RTL8C: variants seen among roughly 807,000 people sequenced by gnomAD.
RTL8C encodes retrotransposon Gag like 8C, also known as retrotransposon Gag-like protein 8C.
RTL8C carries 1 observed loss-of-function variant against 5.0 expected under a neutral mutation model. The ratio of observed to expected loss-of-function variants is 0.20; its 90% CI spans 0.07 to 0.95. The LOEUF is 0.95. Ranked by LOEUF, RTL8C falls within the 40% of genes least tolerant of loss-of-function variation. RTL8C has a pLI of 0.63. For synonymous variants in RTL8C, 37 were observed against 44.5 expected, an observed-to-expected ratio of 0.83 and a Z score of 0.67; for missense variants, 39 against 99.3, an observed-to-expected ratio of 0.39 and a Z score of 2.58.
chrX:135,033,030 T>A lies in RTL8C; in HGVS notation c.*305T>A. ...CCTGCGCTCCAGCTGCAAGCTGGGC[T>A]CCTGTTACACACTGGACAGACCACC... On this transcript the variant is annotated 3_prime_UTR_variant, in exon 1 of 1. Transcript: ENST00000257013. 1 of 986,575 alleles carries A rather than the reference T, an allele frequency of 1.0e-6. No homozygotes were observed. Among genetic ancestry groups the A allele is most frequent in the Non-Finnish European group, 1.3e-6 (1 of 742,220 alleles). 81.3% of individuals were successfully genotyped at this position (986,575 alleles called of 1,213,427 possible). A position where few individuals can be genotyped will look rare whatever the true frequency, so the allele number is the denominator to read the frequency against.
chrX:135,032,986 A>T lies in RTL8C; in HGVS notation c.*261A>T. ...TCCTTCCAGCCAGCCAGCCCCTCCC[A>T]TGTACATTTGGACGCTGTCCTGCGC... On this transcript the variant is annotated 3_prime_UTR_variant, in exon 1 of 1. Coordinates refer to ENST00000257013, the MANE Select transcript of RTL8C (RefSeq NM_001078171.2). 1 of 1,064,091 alleles carries T rather than the reference A, an allele frequency of 9.4e-7. No individual in the cohort carries two copies. The highest frequency in any genetic ancestry group is 1.9e-5 in the African/African-American group (1 of 53,360). 87.7% of individuals were successfully genotyped at this position (1,064,091 alleles called of 1,213,427 possible).
Position 135,032,851 on chromosome X carries a change from C to CCCCTGCGCTCCTGTT in RTL8C, c.*131_*145dup. 1 of 1,124,995 alleles carries CCCCTGCGCTCCTGTT rather than the reference C, an allele frequency of 8.9e-7. No homozygotes were observed. The highest frequency in any genetic ancestry group is 1.2e-6 in the Non-Finnish European group (1 of 855,156). 92.7% of individuals were successfully genotyped at this position (1,124,995 alleles called of 1,213,427 possible). A position where few individuals can be genotyped will look rare whatever the true frequency, so the allele number is the denominator to read the frequency against. Reference sequence around the variant, plus strand: ...CCTCCCCCTCGAGCCGCCGCGATGTCCCCTGCGCTCCTGTTCCCTCCCGCG... The same window carrying CCCCTGCGCTCCTGTT: ...CCTCCCCCTCGAGCCGCCGCGATGTCCCCTGCGCTCCTGTTCCCTGCGCTCCTGTTCCCTCCCGCG... On this transcript the variant is annotated 3_prime_UTR_variant, in exon 1 of 1. Coordinates refer to ENST00000257013, the MANE Select transcript of RTL8C (RefSeq NM_001078171.2).
chrX:135,032,475 A>G lies in RTL8C; in HGVS notation c.92A>G (p.Glu31Gly). ...TGGAGGAACCCGATTCCCTTTCCCG[A>G]GACGTTTGACGGCGATACCGACCGA... ...RRWRNPIPFP[E>G]TFDGDTDRLP... Residue 31 changes from glutamate to glycine, a missense_variant, in exon 1 of 1, where the codon GAG becomes GGG. By Grantham distance (98) the Glu-to-Gly change is moderately conservative. Coordinates refer to ENST00000257013, the MANE Select transcript of RTL8C (RefSeq NM_001078171.2). 8.3e-7 allele frequency: 1 copy of G among 1,211,647 alleles called. No individual in the cohort carries two copies. The highest frequency in any genetic ancestry group is 1.1e-6 in the Non-Finnish European group (1 of 895,481).
rs1206983751 is a variant in RTL8C at position 135,032,376 on chromosome X, G to A, written c.-8G>A. The A allele has an allele frequency of 8.3e-7, 1 of 1,199,271 alleles. No individual in the cohort carries two copies. Among genetic ancestry groups the A allele is most frequent in the Non-Finnish European group, 1.1e-6 (1 of 888,685 alleles). On this transcript the variant is annotated 5_prime_UTR_variant, in exon 1 of 1. Transcript: ENST00000257013. ...GCCCATTGACGTCCAGCGAAGCGAG[G>A]AGCAGCGATGGACGGTCGGGTGCAG...
rs1387019427 is a variant in RTL8C at position 135,033,087 on chromosome X, C to T, written c.*362C>T. 2.1e-6 allele frequency: 2 copies of T among 948,709 alleles called. No homozygotes were observed. Among genetic ancestry groups the T allele is most frequent in the East Asian group, 1.1e-4 (2 of 17,707 alleles). The allele number at this position is 948,709 out of a possible 1,213,427, so 78.2% of individuals were successfully genotyped here. On this transcript the variant is annotated 3_prime_UTR_variant, in exon 1 of 1. Transcript: ENST00000257013. ...CGCCGCTGCCAAGCCCTCTCCTCCCCACCAGACTGCCAGACGACTACATCA... is the reference window on the plus strand; with the variant it reads ...CGCCGCTGCCAAGCCCTCTCCTCCCTACCAGACTGCCAGACGACTACATCA...
In RTL8C at chrX:135,033,071, C is replaced by A; in HGVS notation, c.*346C>A. ...ACAGACCACCCACTGCCGCCGCTGC[C>A]AAGCCCTCTCCTCCCCACCAGACTG... On this transcript the variant is annotated 3_prime_UTR_variant, in exon 1 of 1. Transcript: ENST00000257013. 1.1e-6 allele frequency: 1 copy of A among 937,799 alleles called. No individual in the cohort carries two copies. Among genetic ancestry groups the A allele is most frequent in the Middle Eastern group, 3.1e-4 (1 of 3,231 alleles). 77.3% of individuals were successfully genotyped at this position (937,799 alleles called of 1,213,427 possible). A position where few individuals can be genotyped will look rare whatever the true frequency, so the allele number is the denominator to read the frequency against.
rs1298700765 is a variant in RTL8C, at chrX:135,032,413, C to T, written c.30C>T (p.Ala10=). Residue 10 remains alanine (A), a synonymous_variant, in exon 1 of 1, where the codon GCC becomes GCT. Transcript: ENST00000257013. The part of the protein sequence containing the change: MDGRVQLIK[A]LLALPIRPAT... Reference sequence around the variant, plus strand: ...ACGGTCGGGTGCAGCTGATAAAGGCCCTCCTGGCCTTGCCGATCCGGCCTG... The same window carrying T: ...ACGGTCGGGTGCAGCTGATAAAGGCTCTCCTGGCCTTGCCGATCCGGCCTG... 1 of 1,208,948 alleles carries T rather than the reference C, an allele frequency of 8.3e-7. No individual in the cohort carries two copies. The highest frequency in any genetic ancestry group is 2.2e-5 in the Admixed American group (1 of 45,810).
In RTL8C at chrX:135,033,317, G is replaced by C. The variant is rs201066246; in HGVS notation, c.*592G>C. On this transcript the variant is annotated 3_prime_UTR_variant, in exon 1 of 1. Transcript: ENST00000257013. The stretch of plus-strand genomic sequence containing the variant: ...TCCTCCCCACCCCCAGAAACCTCTT[G>C]TGTTCTTGCCTAGGCCCAGGTGTTC... 381 of 291,904 alleles carry C rather than the reference G, an allele frequency of 1.3e-3. No individual in the cohort carries two copies. Among genetic ancestry groups the C allele is most frequent in the Admixed American group, 1.9e-3 (49 of 25,796 alleles). The allele number at this position is 291,904 out of a possible 1,213,427, so 24.1% of individuals were successfully genotyped here. A position where few individuals can be genotyped will look rare whatever the true frequency, so the allele number is the denominator to read the frequency against.
At position 135,032,906 on chromosome X, in the gene RTL8C, C is replaced by T; in HGVS notation, c.*181C>T. Reference sequence around the variant, plus strand: ...GCTTGCCTTTGTTCCAGGAATAGCGCTCCAGGCTCCTGCTGCCGCCCCTGG... The same window carrying T: ...GCTTGCCTTTGTTCCAGGAATAGCGTTCCAGGCTCCTGCTGCCGCCCCTGG... On this transcript the variant is annotated 3_prime_UTR_variant, in exon 1 of 1. Coordinates refer to ENST00000257013, the MANE Select transcript of RTL8C (RefSeq NM_001078171.2). 7.3e-6 allele frequency: 8 copies of T among 1,102,708 alleles called. No homozygotes were observed. Among genetic ancestry groups the T allele is most frequent in the Non-Finnish European group, 9.5e-6 (8 of 844,110 alleles). 90.9% of individuals were successfully genotyped at this position (1,102,708 alleles called of 1,213,427 possible). A position where few individuals can be genotyped will look rare whatever the true frequency, so the allele number is the denominator to read the frequency against.
rs763640824 is a variant in RTL8C at position 135,032,740 on chromosome X, G to C, written c.*15G>C. Reference sequence around the variant, plus strand: ...AGGACTTCTAGGCCGGGAGACCCTCGGGCCTGGGGGCGGGTGCTCTGGGGA... The same window carrying C: ...AGGACTTCTAGGCCGGGAGACCCTCCGGCCTGGGGGCGGGTGCTCTGGGGA... On this transcript the variant is annotated 3_prime_UTR_variant, in exon 1 of 1. Coordinates refer to ENST00000257013, the MANE Select transcript of RTL8C (RefSeq NM_001078171.2). 3 of 1,208,224 alleles carry C rather than the reference G, an allele frequency of 2.5e-6. No homozygotes were observed. The highest frequency in any genetic ancestry group is 3.4e-6 in the Non-Finnish European group (3 of 893,807).
chrX:135,033,143 A>G lies in RTL8C; in HGVS notation c.*418A>G. ...CCCACAGACCTGCGCTGCCACAGCC[A>G]TCGCCATCCATCGCATCCCACCGAC... On this transcript the variant is annotated 3_prime_UTR_variant, in exon 1 of 1. Transcript: ENST00000257013. 1.1e-6 allele frequency: 1 copy of G among 940,723 alleles called. No individual in the cohort carries two copies. Among genetic ancestry groups the G allele is most frequent in the South Asian group, 2.0e-5 (1 of 49,267 alleles). The allele number at this position is 940,723 out of a possible 1,213,427, so 77.5% of individuals were successfully genotyped here.
rs972792566 is a variant in RTL8C at position 135,032,831 on chromosome X, C to T, written c.*106C>T. ...GCGCCCTCCCTCCGCGCCTCCCTCC[C>T]CCTCGAGCCGCCGCGATGTCCCCTG... On this transcript the variant is annotated 3_prime_UTR_variant, in exon 1 of 1. Coordinates refer to ENST00000257013, the MANE Select transcript of RTL8C (RefSeq NM_001078171.2). 3.5e-6 allele frequency: 4 copies of T among 1,136,589 alleles called. No homozygotes were observed. The highest frequency in any genetic ancestry group is 4.6e-6 in the Non-Finnish European group (4 of 860,769). 93.7% of individuals were successfully genotyped at this position (1,136,589 alleles called of 1,213,427 possible).
rs762714260 is a variant in RTL8C, at chrX:135,032,729, G to C, written c.*4G>C. The C allele has an allele frequency of 8.3e-7, 1 of 1,210,490 alleles. No homozygotes were observed. The highest frequency in any genetic ancestry group is 1.1e-6 in the Non-Finnish European group (1 of 894,817). ...GGAGGAGGACGAGGACTTCTAGGCC[G>C]GGAGACCCTCGGGCCTGGGGGCGGG... is the stretch of plus-strand genomic sequence containing the variant. On this transcript the variant is annotated 3_prime_UTR_variant, in exon 1 of 1. Coordinates refer to ENST00000257013, the MANE Select transcript of RTL8C (RefSeq NM_001078171.2).
rs1223706676 is a variant in RTL8C, at chrX:135,033,137, A to ACAGCCATCGC, written c.*415_*424dup. ...ATTCTGCCCACAGACCTGCGCTGCC[A>ACAGCCATCGC]CAGCCATCGCCATCCATCGCATCCC... is the stretch of plus-strand genomic sequence containing the variant. On this transcript the variant is annotated 3_prime_UTR_variant, in exon 1 of 1. Transcript: ENST00000257013. The ACAGCCATCGC allele has an allele frequency of 3.2e-6, 3 of 951,130 alleles. No homozygotes were observed. Among genetic ancestry groups the ACAGCCATCGC allele is most frequent in the Non-Finnish European group, 4.1e-6 (3 of 724,657 alleles). The allele number at this position is 951,130 out of a possible 1,213,427, so 78.4% of individuals were successfully genotyped here. A position where few individuals can be genotyped will look rare whatever the true frequency, so the allele number is the denominator to read the frequency against.
rs1345895404 is a variant in RTL8C, at chrX:135,032,632, C to T, written c.249C>T (p.Tyr83=). 6 of 1,208,409 alleles carry T rather than the reference C, an allele frequency of 5.0e-6. No homozygotes were observed. Among genetic ancestry groups the T allele is most frequent in the Non-Finnish European group, 5.6e-6 (5 of 893,498 alleles). The part of the protein sequence containing the change: ...TGPALQWVIP[Y]IKKESPLLND... ...CCGCCCTGCAGTGGGTGATCCCCTA[C>T]ATCAAGAAGGAGAGCCCCCTCCTCA... Residue 83 remains tyrosine, a synonymous_variant, in exon 1 of 1, where the codon TAC becomes TAT. Coordinates refer to ENST00000257013, the MANE Select transcript of RTL8C (RefSeq NM_001078171.2).
Position 135,032,957 on chromosome X carries a change from CCT to C in RTL8C, c.*236_*237del. The C allele has an allele frequency of 9.2e-7, 1 of 1,090,249 alleles. No individual in the cohort carries two copies. The highest frequency in any genetic ancestry group is 2.3e-5 in the South Asian group (1 of 43,592). The allele number at this position is 1,090,249 out of a possible 1,213,427, so 89.8% of individuals were successfully genotyped here. ...GCCTCACTCTGGAGCGAGCCGCCGC[CCT>C]CTCCTTCCAGCCAGCCAGCCCCTCC... is the stretch of plus-strand genomic sequence containing the variant. On this transcript the variant is annotated 3_prime_UTR_variant, in exon 1 of 1. Transcript: ENST00000257013.
chrX:135,032,637 A>G lies in RTL8C; in HGVS notation c.254A>G (p.Lys85Arg), dbSNP rs770083665. 2 of 1,207,616 alleles carry G rather than the reference A, an allele frequency of 1.7e-6. No individual in the cohort carries two copies. Among genetic ancestry groups the G allele is most frequent in the Middle Eastern group, 2.3e-4 (1 of 4,264 alleles). Residue 85 changes from lysine (K) to arginine (R), a missense_variant, in exon 1 of 1, where the codon AAG becomes AGG. Lys to Arg is a conservative substitution (Grantham distance 26). Transcript: ENST00000257013. ...PALQWVIPYIKKESPLLNDYR... is the reference protein window; with the variant it reads ...PALQWVIPYIRKESPLLNDYR... ...CTGCAGTGGGTGATCCCCTACATCA[A>G]GAAGGAGAGCCCCCTCCTCAATGAT...
In RTL8C at chrX:135,032,491, T is replaced by C. The variant is rs1216853297; in HGVS notation, c.108T>C (p.Asp36=). ...PIPFPETFDG[D]TDRLPEFIVQ... is the part of the protein sequence containing the mutation. ...CCTTTCCCGAGACGTTTGACGGCGA[T>C]ACCGACCGACTCCCGGAGTTCATCG... The change falls in exon 1 of 1, where the codon GAT becomes GAC. Residue 36 remains aspartate (D), a synonymous_variant. Coordinates refer to ENST00000257013, the MANE Select transcript of RTL8C (RefSeq NM_001078171.2). The C allele has an allele frequency of 2.5e-6, 3 of 1,211,873 alleles. No homozygotes were observed. Among genetic ancestry groups the C allele is most frequent in the Non-Finnish European group, 1.1e-6 (1 of 895,578 alleles).
Position 135,032,847 on chromosome X carries a change from A to G in RTL8C, c.*122A>G. On this transcript the variant is annotated 3_prime_UTR_variant, in exon 1 of 1. Coordinates refer to ENST00000257013, the MANE Select transcript of RTL8C (RefSeq NM_001078171.2). ...CCTCCCTCCCCCTCGAGCCGCCGCG[A>G]TGTCCCCTGCGCTCCTGTTCCCTCC... The G allele has an allele frequency of 2.7e-6, 3 of 1,130,392 alleles. No homozygotes were observed. The highest frequency in any genetic ancestry group is 3.3e-5 in the East Asian group (1 of 30,573). 93.2% of individuals were successfully genotyped at this position (1,130,392 alleles called of 1,213,427 possible).
Sources: allele counts gnomAD v4.1 joint callset, GRCh38; gene constraint gnomAD v4.1.1; transcripts MANE v1.5; gene names NCBI Gene and HGNC (gene_info 2026-07-23, HGNC 2026-07-21).